LDB2: variants seen among roughly 807,000 people sequenced by gnomAD.
LDB2 encodes LIM domain-binding protein 2.
A neutral mutation model predicts 44.3 loss-of-function variants in LDB2; 12 were observed. The ratio of observed to expected loss-of-function variants is 0.27; its 90% CI spans 0.17 to 0.44. The LOEUF is 0.44. LDB2 is among the 20% of genes least tolerant of loss of function. The pLI is 1.00. For synonymous variants in LDB2, 164 were observed against 174.8 expected, an observed-to-expected ratio of 0.94 and a Z score of 0.49; for missense variants, 344 against 473.5, an observed-to-expected ratio of 0.73 and a Z score of 2.54.
intron 1 of LDB2, among the ~76,000 whole-genome samples, chr4:16,795,264 A>C (rs1188526051): frequency 1.3e-5 from 2 of 152,228 alleles, no homozygotes; most frequent in African/African-American, 2.4e-5. Context: ...CTGCAGAAAG[A>C]GAGCCTGTGG....
chr4:16,673,556 T>C (rs1463795575), intron 2 of LDB2, among the ~76,000 whole-genome samples: 1 of 152,142 alleles, frequency 6.6e-6, no homozygotes, highest in Non-Finnish European at 1.5e-5. Flanking sequence ...TCCATCAGAT[T>C]TGAGGAACTG....
intron 2 of LDB2, among the ~76,000 whole-genome samples, chr4:16,713,957 AAATGTTAGGT>A (rs1434502152): frequency 1.3e-5 from 2 of 152,230 alleles, no homozygotes; most frequent in African/African-American, 4.8e-5. Context: ...CAGAAATGAC[AAATGTTAGGT>A]CAAGGACACT....
At chr4:16,651,504 G>A (rs1426121882) in intron 2 of LDB2, among the ~76,000 whole-genome samples, 3 of 152,064 alleles carry the variant, frequency 2.0e-5, no homozygotes, top group African/African-American at 7.2e-5. Flanking sequence ...CTGTGTCTAT[G>A]TCTGGAGTTA....
chr4:16,857,071 G>A (rs955039135), intron 1 of LDB2, among the ~76,000 whole-genome samples: 2 of 152,136 alleles, frequency 1.3e-5, no homozygotes, highest in Admixed American at 1.3e-4. Flanking sequence ...GACCATGCAA[G>A]CCCATCATGA....
intron 2 of LDB2, among the ~76,000 whole-genome samples, chr4:16,647,867 G>T (rs1737208389): frequency 1.3e-5 from 2 of 152,168 alleles, no homozygotes; most frequent in Non-Finnish European, 2.9e-5. Flanking sequence ...GAAAGAGAAA[G>T]AATGCATTTC....
chr4:16,524,917 C>A (rs965650636), intron 5 of LDB2, among the ~76,000 whole-genome samples: 2 of 152,186 alleles, frequency 1.3e-5, no homozygotes, highest in African/African-American at 4.8e-5. Flanking sequence ...ATTGGTTATT[C>A]TTCCCAGGGA....
At chr4:16,601,719 T>G (rs1233600738) in intron 2 of LDB2, among the ~76,000 whole-genome samples, 1 of 152,166 alleles carries the variant, frequency 6.6e-6, no homozygotes, top group Non-Finnish European at 1.5e-5. Context: ...TTCTGCTATA[T>G]CTCAAAAATC....
chr4:16,615,831 G>A (rs976955365), intron 2 of LDB2, among the ~76,000 whole-genome samples: 1 of 152,206 alleles, frequency 6.6e-6, no homozygotes, highest in African/African-American at 2.4e-5. Flanking sequence ...CCTCTGCCAG[G>A]AGTGGGCCAT....
At chr4:16,681,666 A>G (rs6858511) in intron 2 of LDB2, among the ~76,000 whole-genome samples, 76,715 of 130,288 alleles carry the variant, frequency 0.59, 22,245 homozygotes, top group East Asian at 0.87. Flanking sequence ...TCGCTCTGTC[A>G]CCCAGGCTGG....
intron 2 of LDB2, among the ~76,000 whole-genome samples, chr4:16,710,500 G>A (rs146368234): frequency 6.5e-4 from 99 of 152,244 alleles, no homozygotes; most frequent in African/African-American, 2.1e-3. Flanking sequence ...CAGGCTTCCC[G>A]AGGAATCTGA....
intron 1 of LDB2, among the ~76,000 whole-genome samples, chr4:16,853,976 G>A (rs1788812005): frequency 6.6e-6 from 1 of 152,108 alleles, no homozygotes; most frequent in Non-Finnish European, 1.5e-5. Flanking sequence ...ACCAGGGATA[G>A]CAGGGGGTGA....
At chr4:16,620,244 A>G (rs1001852557) in intron 2 of LDB2, among the ~76,000 whole-genome samples, 2 of 152,216 alleles carry the variant, frequency 1.3e-5, no homozygotes, top group African/African-American at 4.8e-5. Context: ...TAATTGCTGG[A>G]TGACTGAGCT....
intron 1 of LDB2, among the ~76,000 whole-genome samples, chr4:16,770,448 G>C (rs1040318077): frequency 3.9e-5 from 6 of 152,210 alleles, no homozygotes; most frequent in African/African-American, 1.4e-4. Flanking sequence ...TTGATTCTTT[G>C]ATGACTGAAT....
At chr4:16,795,001 T>C (rs928994802) in intron 1 of LDB2, among the ~76,000 whole-genome samples, 1 of 152,052 alleles carries the variant, frequency 6.6e-6, no homozygotes, top group Non-Finnish European at 1.5e-5. Context: ...CACAACCTAG[T>C]AGACAATCAA....
rs141507447 is a variant in LDB2, at chr4:16,882,325, C to A, written c.132+16029G>T. Among the ~76,000 whole-genome samples the A allele has an allele frequency of 4.6e-5, 7 of 152,340 alleles. No homozygotes were observed. In the East Asian group the frequency reaches 1.3e-3, roughly 29 times the overall value. ...CAGGGTGCCACCATGAATGCTACTT[C>A]TTAAATGGTTTTAAAATCAAAGCTG... On this transcript the variant is annotated intron_variant, in intron 1 of 7. Coordinates refer to ENST00000304523, the MANE Select transcript of LDB2 (RefSeq NM_001290.5).
At position 16,564,801 on chromosome 4, in the gene LDB2, C is replaced by A. The variant is rs150511070; in HGVS notation, c.615+21121G>T. On this transcript the variant is annotated intron_variant, in intron 5 of 7. Transcript: ENST00000304523. ...CAGGGGAATTAGGGCCATGTAAGTT[C>A]TCATAGGAGAATTCTACACAACTTT... is the stretch of plus-strand genomic sequence containing the variant. Among the ~76,000 whole-genome samples the A allele has an allele frequency of 1.7e-4, 26 of 152,268 alleles. No individual in the cohort carries two copies. The East Asian group carries it at 4.2e-3, about 25-fold the overall frequency.
intron 1 of LDB2, among the ~76,000 whole-genome samples, chr4:16,868,388 CG>C (rs1715395934): frequency 1.3e-5 from 2 of 152,230 alleles, no homozygotes; most frequent in South Asian, 2.1e-4. Flanking sequence ...CATCTGCTGA[CG>C]GGGGTGTATT....
chr4:16,700,127 G>T (rs1203464066), intron 2 of LDB2, among the ~76,000 whole-genome samples: 1 of 151,932 alleles, frequency 6.6e-6, no homozygotes, highest in Non-Finnish European at 1.5e-5. Flanking sequence ...CATTTCCTTC[G>T]ACCCTCACAT....
intron 5 of LDB2, 91 bp from the exon 6 acceptor site, chr4:16,512,195 T>C: frequency 1.7e-6 from 2 of 1,162,808 alleles, no homozygotes; most frequent in Non-Finnish European, 2.3e-6. Context: ...GTAGACAGCT[T>C]TGAGAATACT....
Sources: gnomAD v4.1 joint callset for allele counts (sites outside exome capture counted in the v4.1 genomes callset) on GRCh38, gnomAD v4.1.1 for gene constraint, MANE v1.5 for transcripts, NCBI Gene and HGNC (gene_info 2026-07-23, HGNC 2026-07-21) for gene names.